The following PTPRB variants were observed in gnomAD, a reference collection of about 807,000 sequenced individuals.
PTPRB encodes the protein protein tyrosine phosphatase receptor type B, also known as receptor-type tyrosine-protein phosphatase beta.
In PTPRB, 97 loss-of-function variants were observed where a neutral mutation model predicts 238.1. The observed-to-expected ratio is 0.41, with a 90% confidence interval of 0.35 to 0.48. PTPRB has a LOEUF of 0.48. PTPRB is among the 20% of genes least tolerant of loss of function. The pLI, the probability that PTPRB is intolerant of heterozygous loss-of-function variation, is 0.30. For missense variants in PTPRB, 2,292 were observed against 2,681.9 expected (o/e 0.85, Z 3.21); for synonymous variants, 970 against 995.4 (o/e 0.97, Z 0.48).
chr12:70,630,350 C>T (rs994544694), intron 2 of PTPRB, among the ~76,000 whole-genome samples: 2 of 152,148 alleles, frequency 1.3e-5, no homozygotes, highest in Non-Finnish European at 2.9e-5. Flanking sequence ...CAGAAAAAGC[C>T]TTTGACAAAA....
intron 2 of PTPRB, among the ~76,000 whole-genome samples, chr12:70,626,681 T>C (rs1354179430): frequency 6.6e-6 from 1 of 152,064 alleles, no homozygotes; most frequent in Non-Finnish European, 1.5e-5. Context: ...TACATCTTTT[T>C]ATATAAGGAA....
At chr12:70,584,288 G>A (rs1881666923) in intron 9 of PTPRB, among the ~76,000 whole-genome samples, 2 of 152,138 alleles carry the variant, frequency 1.3e-5, no homozygotes, top group South Asian at 4.1e-4. Flanking sequence ...ATATATGTGT[G>A]TTCTAGAATA....
chr12:70,637,263 T>C, intron 1 of PTPRB, 78 bp downstream of exon 1: 1 of 1,355,294 alleles, frequency 7.4e-7, no homozygotes, highest in Non-Finnish European at 1.0e-6. Context: ...CTACCTTATT[T>C]CAGACACTTC....
At chr12:70,573,505 C>CTTT (rs937307862) in intron 11 of PTPRB, among the ~76,000 whole-genome samples, 1,526 of 90,674 alleles carry the variant, frequency 0.017, 37 homozygotes, top group African/African-American at 0.057. Flanking sequence ...CTTTTCTTTT[C>CTTT]TTTTTTTTTT....
At position 70,521,317 on chromosome 12, in the gene PTPRB, A is replaced by G; in HGVS notation, c.*172T>C. 1 of 465,368 alleles carries G rather than the reference A, an allele frequency of 2.1e-6. No individual in the cohort carries two copies. Among genetic ancestry groups the G allele is most frequent in the Middle Eastern group, 5.7e-4 (1 of 1,768 alleles). The allele number at this position is 465,368 out of a possible 1,614,324, so 28.8% of individuals were successfully genotyped here. Reference sequence around the variant, plus strand: ...AAGAAACTACAAAATACAACTATGTACAATAATATCTGTTACCTTTAAATT... The same window carrying G: ...AAGAAACTACAAAATACAACTATGTGCAATAATATCTGTTACCTTTAAATT... On this transcript the variant is annotated 3_prime_UTR_variant, in exon 34 of 34. Coordinates refer to ENST00000334414, the MANE Select transcript of PTPRB (RefSeq NM_001109754.4).
Position 70,539,153 on chromosome 12 carries a change from T to A in PTPRB, c.5779-139A>T, listed in dbSNP as rs1052104406. On this transcript the variant is annotated intron_variant, in intron 26 of 33. Coordinates refer to ENST00000334414, the MANE Select transcript of PTPRB (RefSeq NM_001109754.4). The stretch of plus-strand genomic sequence containing the variant: ...TGAATGCCTAGTACTCAACATGCAT[T>A]AGCCCTGATCCCCACAACAGCCCCA... 4.3e-6 allele frequency: 3 copies of A among 697,808 alleles called. No homozygotes were observed. In the African/African-American group the frequency reaches 5.3e-5, roughly 12 times the overall value. 43.2% of individuals were successfully genotyped at this position (697,808 alleles called of 1,614,324 possible).
At chr12:70,605,871 A>G (rs565807221) in intron 4 of PTPRB, among the ~76,000 whole-genome samples, 25 of 152,298 alleles carry the variant, frequency 1.6e-4, no homozygotes, top group African/African-American at 6.0e-4. Flanking sequence ...GACTCTGAGT[A>G]CAGTCTTCAA....
chr12:70,558,369 T>G (rs1007516638), intron 18 of PTPRB, among the ~76,000 whole-genome samples: 12 of 152,246 alleles, frequency 7.9e-5, no homozygotes, highest in Non-Finnish European at 1.5e-4. Context: ...ATAGTATTAA[T>G]GCTTATTAAA....
chr12:70,609,880 G>A, intron 3 of PTPRB: 12 of 1,483,696 alleles, frequency 8.1e-6, no homozygotes, highest in Non-Finnish European at 1.1e-5. Context: ...CGAGGGCCGG[G>A]GCAGGGGGTC....
chr12:70,614,557 A>C (rs1438460373), intron 3 of PTPRB, among the ~76,000 whole-genome samples: 1 of 152,132 alleles, frequency 6.6e-6, no homozygotes, highest in Non-Finnish European at 1.5e-5. Flanking sequence ...TCAAAAACAA[A>C]AACAAACAAA....
intron 3 of PTPRB, among the ~76,000 whole-genome samples, chr12:70,620,440 C>T (rs1394023189): frequency 6.6e-6 from 1 of 152,194 alleles, no homozygotes; most frequent in Non-Finnish European, 1.5e-5. Flanking sequence ...TGCTAAAAGA[C>T]AACCCTTTAG....
At position 70,539,014 on chromosome 12, in the gene PTPRB, C is replaced by T. The variant is rs1294712661; in HGVS notation, c.5779G>A (p.Glu1927Lys). The change falls in exon 27 of 34, where the codon GAG becomes AAG. Residue 1927 changes from glutamate to lysine, a missense_variant and splice_region_variant. This residue lies in a region of PTPRB where 397 missense variants were observed against 502.0 expected (regional missense o/e 0.79). Coordinates refer to ENST00000334414, the MANE Select transcript of PTPRB (RefSeq NM_001109754.4). ...SNYLLSKEYE[E>K]LKDVGRNQSC... ...TGGTTTCGGCCCACGTCTTTTAACT[C>T]CTGTTAGGTCAAATATGAGTTTGTA... 6.2e-7 allele frequency: 1 copy of T among 1,611,208 alleles called. No homozygotes were observed. Among genetic ancestry groups the T allele is most frequent in the African/African-American group, 1.3e-5 (1 of 74,972 alleles).
At chr12:70,526,980 C>T (rs568872478) in intron 32 of PTPRB, among the ~76,000 whole-genome samples, 9 of 152,288 alleles carry the variant, frequency 5.9e-5, no homozygotes, top group East Asian at 1.9e-4. Flanking sequence ...ACTACTAAAA[C>T]GGTGAGATTG....
At chr12:70,607,547 T>C (rs938975415) in intron 4 of PTPRB, among the ~76,000 whole-genome samples, 5 of 143,610 alleles carry the variant, frequency 3.5e-5, no homozygotes, top group South Asian at 2.3e-4. Context: ...ATTTTCCTTT[T>C]CTTTTTTTTT....
chr12:70,571,716 GGGAATGT>G, intron 12 of PTPRB, 101 bp downstream of exon 12: 1 of 1,223,216 alleles, frequency 8.2e-7, no homozygotes, highest in Non-Finnish European at 1.1e-6. Context: ...GAGACTTACT[GGGAATGT>G]AATGTACTAA....
In PTPRB at chr12:70,571,098, G is replaced by A. The variant is rs763909402; in HGVS notation, c.3298C>T (p.Arg1100Cys). ...EYRFTSLTPG[R>C]QYKILVLTIS... ...GTCAAGACAAGAATTTTGTATTGGC[G>A]GCCTGGTGTTAGGGAAGTAAATCGA... The change falls in exon 13 of 34, where the codon CGC becomes TGC. Residue 1100 changes from arginine to cysteine, a missense_variant. By Grantham distance (180) the Arg-to-Cys change is radical (BLOSUM62 -3). Around this residue, in one of 4 missense-constraint regions of PTPRB, gnomAD observed 683 missense variants for 862.0 expected, o/e 0.79. Transcript: ENST00000334414. 46 of 1,613,798 alleles carry A rather than the reference G, an allele frequency of 2.9e-5. No homozygotes were observed. In the East Asian group the frequency reaches 2.9e-4, roughly 10 times the overall value.
intron 21 of PTPRB, among the ~76,000 whole-genome samples, chr12:70,548,541 T>G (rs943217092): frequency 6.6e-6 from 1 of 152,138 alleles, no homozygotes; most frequent in African/African-American, 2.4e-5. Context: ...TATAACAACC[T>G]TGACATGGTC....
chr12:70,536,641 T>C (rs962747674), intron 28 of PTPRB, among the ~76,000 whole-genome samples: 2 of 152,242 alleles, frequency 1.3e-5, no homozygotes, highest in Admixed American at 6.5e-5. Context: ...TCAGGACTTA[T>C]TTAATCCAAA....
At chr12:70,610,346 T>C (rs2136547973) in intron 3 of PTPRB, among the ~76,000 whole-genome samples, 1 of 152,058 alleles carries the variant, frequency 6.6e-6, no homozygotes, top group African/African-American at 2.4e-5. Flanking sequence ...CCAGTCGCCT[T>C]AGCCACAATT....
Sources: allele counts gnomAD v4.1 joint callset (sites outside exome capture counted in the v4.1 genomes callset), GRCh38; gene constraint gnomAD v4.1.1; regional missense constraint gnomAD v4.1.1; transcripts MANE v1.5; gene names NCBI Gene and HGNC (gene_info 2026-07-23, HGNC 2026-07-21).